MYOCD: variants seen among roughly 807,000 people sequenced by gnomAD.
MYOCD encodes the protein myocardin.
MYOCD carries 32 observed loss-of-function variants against 96.1 expected under a neutral mutation model. The observed-to-expected ratio is 0.33, with a 90% CI of 0.25 to 0.45. MYOCD has a LOEUF of 0.45. MYOCD is among the 20% of genes least tolerant of loss of function. The pLI is 1.00. For synonymous variants in MYOCD, 469 were observed against 469.0 expected (o/e 1.00, Z 0.00); for missense variants, 1,133 against 1,200.6 (o/e 0.94, Z 0.83).
At position 12,764,099 on chromosome 17, in the gene MYOCD, G is replaced by A. The variant is rs2033266766; in HGVS notation, c.*455G>A. ...TATGGAAGACATACCTGCAATGGAA[G>A]CTGTTGCCCAATGTCTCCATTACTA... On this transcript the variant is annotated 3_prime_UTR_variant, in exon 14 of 14. Transcript: ENST00000425538. The A allele has an allele frequency of 6.5e-6, 1 of 153,152 alleles. No individual in the cohort carries two copies. The highest frequency in any genetic ancestry group is 1.9e-4 in the East Asian group (1 of 5,202). 9.5% of individuals were successfully genotyped at this position (153,152 alleles called of 1,614,324 possible). A position where few individuals can be genotyped will look rare whatever the true frequency, so the allele number is the denominator to read the frequency against.
At chr17:12,755,189 G>C (rs372104361) in intron 10 of MYOCD, among the ~76,000 whole-genome samples, 1 of 152,166 alleles carries the variant, frequency 6.6e-6, no homozygotes, top group Non-Finnish European at 1.5e-5. Context: ...GGAAACAAAG[G>C]TAAAAATAGC....
chr17:12,721,473 C>T (rs1001855063), intron 4 of MYOCD, among the ~76,000 whole-genome samples: 2 of 152,072 alleles, frequency 1.3e-5, no homozygotes, highest in African/African-American at 4.8e-5. Flanking sequence ...ATGCTGGGAC[C>T]CAAAAGTACG....
intron 5 of MYOCD, among the ~76,000 whole-genome samples, chr17:12,728,645 A>T (rs543841009): frequency 2.7e-4 from 41 of 152,150 alleles, no homozygotes; most frequent in African/African-American, 9.4e-4. Flanking sequence ...ATGCCCAGCT[A>T]ATTTTGTATT....
intron 1 of MYOCD, among the ~76,000 whole-genome samples, chr17:12,687,109 T>C (rs1567572095): frequency 1.3e-5 from 2 of 152,136 alleles, no homozygotes; most frequent in Admixed American, 1.3e-4. Context: ...TTTTAAAACA[T>C]AGAGTTTTAA....
chr17:12,760,274 T>C (rs1475184880), intron 12 of MYOCD: 2 of 263,858 alleles, frequency 7.6e-6, no homozygotes, highest in Non-Finnish European at 7.5e-6. Context: ...TACGATTCGC[T>C]TCTATGAGGG....
intron 5 of MYOCD, among the ~76,000 whole-genome samples, chr17:12,726,452 A>G (rs930458879): frequency 1.3e-5 from 2 of 152,220 alleles, no homozygotes; most frequent in Non-Finnish European, 2.9e-5. Context: ...CAAAGGGGGA[A>G]GAAAAGATGA....
At chr17:12,721,773 T>A (rs1307402311) in intron 4 of MYOCD, among the ~76,000 whole-genome samples, 2 of 152,088 alleles carry the variant, frequency 1.3e-5, no homozygotes, top group African/African-American at 4.8e-5. Flanking sequence ...ACAGGATGAG[T>A]CAGAAAGATG....
Position 12,665,986 on chromosome 17 carries a change from G to A in MYOCD, c.-203G>A. 1.8e-6 allele frequency: 1 copy of A among 547,734 alleles called. No individual in the cohort carries two copies. The highest frequency in any genetic ancestry group is 3.0e-5 in the East Asian group (1 of 33,210). 33.9% of individuals were successfully genotyped at this position (547,734 alleles called of 1,614,324 possible). On this transcript the variant is annotated 5_prime_UTR_variant, in exon 1 of 14. Coordinates refer to ENST00000425538, the MANE Select transcript of MYOCD (RefSeq NM_001146312.3). The surrounding 1 kb of genome is among the most constrained non-coding windows in gnomAD (Gnocchi z 4.2). ...AGGAGGAGGGTCCCGCCGGCTAAGAGTTAATTAGCCCCGCACGGCGAGGGG... is the reference window on the plus strand; with the variant it reads ...AGGAGGAGGGTCCCGCCGGCTAAGAATTAATTAGCCCCGCACGGCGAGGGG...
chr17:12,670,831 A>C (rs991363593), intron 1 of MYOCD, among the ~76,000 whole-genome samples: 1 of 152,204 alleles, frequency 6.6e-6, no homozygotes, highest in African/African-American at 2.4e-5. Flanking sequence ...AATTTAATGG[A>C]CCTTAAAAAA....
At chr17:12,672,663 T>C (rs1450463471) in intron 1 of MYOCD, among the ~76,000 whole-genome samples, 1 of 152,244 alleles carries the variant, frequency 6.6e-6, no homozygotes, top group African/African-American at 2.4e-5. Context: ...ATAAGTTCTT[T>C]CTTTTCACTA....
rs535178471 is a variant in MYOCD, at chr17:12,715,023, ATG to A, written c.122-494_122-493del. The stretch of plus-strand genomic sequence containing the variant: ...CTTCTCACTCAACACCCTTAGTTGC[ATG>A]TTCCTGACCTACCAGCCACACACTT... On this transcript the variant is annotated intron_variant, in intron 2 of 13. Coordinates refer to ENST00000425538, the MANE Select transcript of MYOCD (RefSeq NM_001146312.3). 2.1e-3 allele frequency among the ~76,000 whole-genome samples: 318 copies of A among 152,126 alleles called. 2 individuals carry two copies. The highest frequency in any genetic ancestry group is 6.8e-3 in the Middle Eastern group (2 of 294).
chr17:12,675,183 T>C (rs16946417), intron 1 of MYOCD, among the ~76,000 whole-genome samples: 1 of 152,302 alleles, frequency 6.6e-6, no homozygotes, highest in South Asian at 2.1e-4. Flanking sequence ...GTGAAAGATC[T>C]AGATACTATT....
intron 1 of MYOCD, among the ~76,000 whole-genome samples, chr17:12,666,534 G>T (rs1909385107): frequency 6.6e-6 from 1 of 152,118 alleles, no homozygotes. Flanking sequence ...TACATTCAGA[G>T]GGAGCAACTT....
intron 2 of MYOCD, among the ~76,000 whole-genome samples, chr17:12,709,523 G>A (rs2031414375): frequency 6.6e-6 from 1 of 152,156 alleles, no homozygotes; most frequent in Admixed American, 6.5e-5. Context: ...AATGGCAGTT[G>A]TGAAATTCAC....
intron 4 of MYOCD, among the ~76,000 whole-genome samples, chr17:12,721,564 C>T (rs967603590): frequency 2.6e-5 from 4 of 152,074 alleles, no homozygotes; most frequent in African/African-American, 9.7e-5. Flanking sequence ...TGCAGCAAGA[C>T]ATAGAGGACA....
chr17:12,744,668 T>C (rs2032611084), intron 8 of MYOCD, among the ~76,000 whole-genome samples: 1 of 152,176 alleles, frequency 6.6e-6, no homozygotes, highest in African/African-American at 2.4e-5. Context: ...TTCCAAACCC[T>C]CATTGGATCC....
intron 7 of MYOCD, among the ~76,000 whole-genome samples, chr17:12,740,088 ACC>A (rs2032462591): frequency 6.6e-6 from 1 of 152,092 alleles, no homozygotes; most frequent in East Asian, 1.9e-4. Context: ...GGCTCCCGCC[ACC>A]ATGCCCGGCT....
chr17:12,760,847 G>T, intron 13 of MYOCD, 140 bp downstream of exon 13: 2 of 698,316 alleles, frequency 2.9e-6, no homozygotes, highest in Non-Finnish European at 2.6e-6. Context: ...TTTCCTTTGA[G>T]CTTCTCGCAC....
chr17:12,754,223 GCC>G (rs2032946896), intron 10 of MYOCD, among the ~76,000 whole-genome samples: 1 of 152,102 alleles, frequency 6.6e-6, no homozygotes, highest in Non-Finnish European at 1.5e-5. Context: ...TTCTGCGTCA[GCC>G]TCCCGAGTAG....
Sources: allele counts gnomAD v4.1 joint callset (sites outside exome capture counted in the v4.1 genomes callset), GRCh38; gene constraint gnomAD v4.1.1; non-coding constraint Gnocchi (gnomAD v3.1); transcripts MANE v1.5; gene names NCBI Gene and HGNC (gene_info 2026-07-23, HGNC 2026-07-21).